CPED1: variants seen among roughly 807,000 people sequenced by gnomAD.
CPED1 encodes cadherin like and PC-esterase domain containing 1.
In CPED1, 114 loss-of-function variants were observed where a neutral mutation model predicts 128.2. That is an observed-to-expected ratio of 0.89 (90% confidence interval 0.76 to 1.04). The LOEUF (loss-of-function observed/expected upper bound fraction) is 1.04, where lower values mean the gene tolerates loss of function less well. Ranked by LOEUF, CPED1 falls within the 50% of genes least tolerant of loss-of-function variation. CPED1 has a pLI of 0.00. For synonymous variants in CPED1, 462 were observed against 426.7 expected, an observed-to-expected ratio of 1.08 and a Z score of -1.02; for missense variants, 1,211 against 1,207.1, an observed-to-expected ratio of 1.00 and a Z score of -0.05.
rs978924972 is a variant in CPED1, at chr7:121,085,183, C to T, written c.617-12516C>T. On this transcript the variant is annotated intron_variant, in intron 5 of 22. Transcript: ENST00000310396. The stretch of plus-strand genomic sequence containing the variant: ...TCTGCCCCTGGGCTCCATGTGGCAT[C>T]GGTCCTGCTGCTGCAGCTGCCTGTG... 5.9e-5 allele frequency among the ~76,000 whole-genome samples: 9 copies of T among 152,326 alleles called. No individual in the cohort carries two copies. The South Asian group carries it at 8.3e-4, about 14-fold the overall frequency.
At chr7:121,001,548 C>T (rs1022989152) in intron 2 of CPED1, among the ~76,000 whole-genome samples, 7 of 152,000 alleles carry the variant, frequency 4.6e-5, no homozygotes, top group East Asian at 3.9e-4. Flanking sequence ...AATATTGCTC[C>T]GGGGTCATAA....
intron 16 of CPED1, among the ~76,000 whole-genome samples, chr7:121,204,650 G>T: frequency 6.6e-6 from 1 of 152,076 alleles, no homozygotes; most frequent in Non-Finnish European, 1.5e-5. Flanking sequence ...AAAAGGAGAG[G>T]CACATTATCT....
chr7:121,265,571 GAATT>G (rs1402517904), intron 18 of CPED1, among the ~76,000 whole-genome samples: 3 of 152,040 alleles, frequency 2.0e-5, no homozygotes, highest in African/African-American at 7.2e-5. Flanking sequence ...TGTGTAGAAT[GAATT>G]AAAAGACAGC....
intron 16 of CPED1, among the ~76,000 whole-genome samples, chr7:121,208,455 C>T (rs1364642377): frequency 6.6e-6 from 1 of 151,982 alleles, no homozygotes; most frequent in Non-Finnish European, 1.5e-5. Context: ...CACCATTTGT[C>T]ATGCATGGTT....
chr7:121,000,283 G>A (rs1263620568), intron 2 of CPED1, among the ~76,000 whole-genome samples: 1 of 152,088 alleles, frequency 6.6e-6, no homozygotes, highest in Non-Finnish European at 1.5e-5. Flanking sequence ...AATTTGCAAG[G>A]TAAACAGAAC....
chr7:121,234,134 C>T (rs1798200342), intron 16 of CPED1, among the ~76,000 whole-genome samples: 1 of 151,216 alleles, frequency 6.6e-6, no homozygotes, highest in South Asian at 2.1e-4. Context: ...TAATGCTGGG[C>T]ACATTACTCC....
chr7:121,070,902 AG>A (rs1183959108), intron 5 of CPED1, among the ~76,000 whole-genome samples: 2 of 152,156 alleles, frequency 1.3e-5, no homozygotes, highest in Non-Finnish European at 2.9e-5. Flanking sequence ...AAGTCTGTTT[AG>A]GGACTGAAAC....
chr7:121,034,077 C>T (rs893003892), intron 3 of CPED1, among the ~76,000 whole-genome samples: 2 of 152,058 alleles, frequency 1.3e-5, no homozygotes, highest in Non-Finnish European at 2.9e-5. Context: ...TAATTATACA[C>T]TAAAACCGCT....
chr7:121,164,566 T>A (rs1159548244), intron 16 of CPED1, among the ~76,000 whole-genome samples: 1 of 152,212 alleles, frequency 6.6e-6, no homozygotes, highest in Non-Finnish European at 1.5e-5. Flanking sequence ...AGAATTTGCA[T>A]ATCTAGTGAC....
intron 3 of CPED1, among the ~76,000 whole-genome samples, chr7:121,019,942 C>A (rs1260727770): frequency 6.6e-6 from 1 of 151,902 alleles, no homozygotes; most frequent in Non-Finnish European, 1.5e-5. Flanking sequence ...AGTTTTAATC[C>A]TACTCCAGTG....
At chr7:121,051,579 A>G in intron 4 of CPED1, 1 of 368,566 alleles carries the variant, frequency 2.7e-6, no homozygotes, top group Non-Finnish European at 5.1e-6. Flanking sequence ...TGTCTTGAAC[A>G]TTTTAAATTA....
At position 121,125,865 on chromosome 7, in the gene CPED1, C is replaced by A. The variant is rs1365427724; in HGVS notation, c.1107C>A (p.Gly369=). 4 of 1,613,300 alleles carry A rather than the reference C, an allele frequency of 2.5e-6. No homozygotes were observed. The South Asian group carries it at 3.3e-5, about 13-fold the overall frequency. The stretch of plus-strand genomic sequence containing the variant: ...TTCTAACTTTTGATATTGGTTATGG[C>A]AGTTTCATGTACCCTGTAGTGCTCC... ...FQLLTFDIGY[G]SFMYPVVLQV... is the part of the protein sequence containing the mutation. Residue 369 remains glycine, a synonymous_variant, in exon 9 of 23, where the codon GGC becomes GGA. Transcript: ENST00000310396.
rs1308689969 is a variant in CPED1, at chr7:121,122,115, AAAG to A, written c.919-2210_919-2208del. Among the ~76,000 whole-genome samples, 5 of 151,894 alleles carry A rather than the reference AAAG, an allele frequency of 3.3e-5. No individual in the cohort carries two copies. In the East Asian group the frequency reaches 5.8e-4, roughly 18 times the overall value. On this transcript the variant is annotated intron_variant, in intron 7 of 22. Coordinates refer to ENST00000310396, the MANE Select transcript of CPED1 (RefSeq NM_024913.5). ...CTTGCCACTATACTGAATGAATTAAAAAGAAGAAATCACACTCATCTGGATTTT... is the reference window on the plus strand; with the variant it reads ...CTTGCCACTATACTGAATGAATTAAAAAGAAATCACACTCATCTGGATTTT...
intron 11 of CPED1, among the ~76,000 whole-genome samples, chr7:121,129,312 C>CGT (rs1795598467): frequency 4.4e-4 from 6 of 13,650 alleles, no homozygotes; most frequent in African/African-American, 2.6e-3. Flanking sequence ...TATATATATA[C>CGT]GTATATATAT....
chr7:121,127,484 T>C (rs979023291), intron 10 of CPED1, among the ~76,000 whole-genome samples: 2 of 151,986 alleles, frequency 1.3e-5, no homozygotes, highest in Non-Finnish European at 2.9e-5. Flanking sequence ...AAATTAAGTA[T>C]AGTGTTCATA....
intron 16 of CPED1, among the ~76,000 whole-genome samples, chr7:121,234,638 C>T (rs1343778224): frequency 6.6e-6 from 1 of 151,446 alleles, no homozygotes; most frequent in East Asian, 1.9e-4. Flanking sequence ...CTAGATAGAG[C>T]TAAAGCCTCC....
intron 7 of CPED1, among the ~76,000 whole-genome samples, chr7:121,105,879 G>A (rs961878337): frequency 5.9e-5 from 9 of 152,154 alleles, no homozygotes; most frequent in East Asian, 1.9e-4. Context: ...TTGTACATTC[G>A]TTAATTCTGA....
chr7:121,032,012 G>C (rs997361105), intron 3 of CPED1, among the ~76,000 whole-genome samples: 1 of 152,076 alleles, frequency 6.6e-6, no homozygotes, highest in African/African-American at 2.4e-5. Context: ...AGGATTCTGA[G>C]AAAGAAAACT....
chr7:121,079,159 A>C lies in CPED1; in HGVS notation c.616+14846A>C, dbSNP rs1418028524. On this transcript the variant is annotated intron_variant, in intron 5 of 22. Coordinates refer to ENST00000310396, the MANE Select transcript of CPED1 (RefSeq NM_024913.5). ...CCAGGGACTGGAGGTTAGGACTTCA[A>C]CATATAAATATGGGGGAGGAACACA... is the stretch of plus-strand genomic sequence containing the variant. 2.0e-5 allele frequency among the ~76,000 whole-genome samples: 3 copies of C among 152,250 alleles called. No individual in the cohort carries two copies. The East Asian group carries it at 5.8e-4, about 29-fold the overall frequency.
Sources: gnomAD v4.1 joint callset for allele counts (sites outside exome capture counted in the v4.1 genomes callset) on GRCh38, gnomAD v4.1.1 for gene constraint, MANE v1.5 for transcripts, NCBI Gene and HGNC (gene_info 2026-07-23, HGNC 2026-07-21) for gene names.